The following PLD5 variants were observed in gnomAD, a reference collection of about 807,000 sequenced individuals.
The protein encoded by PLD5 is inactive phospholipase D5.
In PLD5, 36 loss-of-function variants were observed where a neutral mutation model predicts 61.1. The ratio of observed to expected loss-of-function variants is 0.59; its 90% CI spans 0.45 to 0.78. The LOEUF (loss-of-function observed/expected upper bound fraction) is 0.78. Ranked by LOEUF, PLD5 falls within the 30% of genes least tolerant of loss-of-function variation. PLD5 has a pLI of 0.00. For synonymous variants in PLD5, 243 were observed against 242.8 expected (o/e 1.00, Z -0.01); for missense variants, 515 against 644.4 (o/e 0.80, Z 2.17).
chr1:242,211,635 G>A (rs1299869884), intron 5 of PLD5, among the ~76,000 whole-genome samples: 5 of 152,136 alleles, frequency 3.3e-5, no homozygotes, highest in Non-Finnish European at 7.3e-5. Flanking sequence ...TGTCTCATCC[G>A]TCATGCAGCT....
chr1:242,426,253 A>G (rs1182412579), intron 1 of PLD5, among the ~76,000 whole-genome samples: 4 of 151,782 alleles, frequency 2.6e-5, no homozygotes, highest in Admixed American at 6.6e-5. Context: ...CAACTGATAT[A>G]ACAATGACTT....
intron 1 of PLD5, among the ~76,000 whole-genome samples, chr1:242,508,420 A>G (rs889032582): frequency 6.6e-6 from 1 of 152,160 alleles, no homozygotes; most frequent in African/African-American, 2.4e-5. Flanking sequence ...ATGACCAACT[A>G]TATCATTTCC....
intron 5 of PLD5, chr1:242,178,400 A>C (rs2148895280): frequency 6.6e-6 from 1 of 152,274 alleles, no homozygotes. Flanking sequence ...CATTGCTCTC[A>C]TCTATGGGGT....
chr1:242,523,905 C>T (rs1572290373), intron 1 of PLD5, among the ~76,000 whole-genome samples, 183 bp downstream of exon 1: 1 of 152,328 alleles, frequency 6.6e-6, no homozygotes, highest in African/African-American at 2.4e-5. Context: ...CCCCTCCCCG[C>T]AGCCCGGTCA....
intron 1 of PLD5, among the ~76,000 whole-genome samples, chr1:242,359,886 A>G (rs1251246595): frequency 2.6e-5 from 4 of 152,210 alleles, no homozygotes; most frequent in African/African-American, 9.6e-5. Context: ...TACATGCCTC[A>G]TATATTTTGG....
upstream of PLD5, among the ~76,000 whole-genome samples, chr1:242,529,022 A>AG (rs1669500198): frequency 6.6e-6 from 1 of 152,212 alleles, no homozygotes; most frequent in Non-Finnish European, 1.5e-5. Flanking sequence ...AAAATCATTG[A>AG]CCCAAGAATG....
intron 5 of PLD5, among the ~76,000 whole-genome samples, chr1:242,171,516 G>A (rs1435599555): frequency 6.6e-6 from 1 of 152,108 alleles, no homozygotes; most frequent in Non-Finnish European, 1.5e-5. Context: ...GCATCACAAT[G>A]ACAGGATCAA....
chr1:242,384,645 A>G (rs1662494733), intron 1 of PLD5, among the ~76,000 whole-genome samples: 2 of 152,298 alleles, frequency 1.3e-5, no homozygotes, highest in Admixed American at 6.5e-5. Context: ...CAAACAATCT[A>G]CGCAAACTGT....
intron 2 of PLD5, among the ~76,000 whole-genome samples, chr1:242,310,903 T>G (rs4658806): frequency 0.91 from 138,652 of 152,200 alleles, 63,143 homozygotes; most frequent in East Asian, 0.95. Context: ...CAAAATCATA[T>G]CCCAGTAATC....
chr1:242,173,281 G>A (rs895748397), intron 5 of PLD5, among the ~76,000 whole-genome samples: 1 of 152,132 alleles, frequency 6.6e-6, no homozygotes, highest in African/African-American at 2.4e-5. Flanking sequence ...GCCAAATCAT[G>A]AGTAAACTCC....
At chr1:242,132,292 G>A (rs768474273) in intron 5 of PLD5, among the ~76,000 whole-genome samples, 2 of 144,126 alleles carry the variant, frequency 1.4e-5, no homozygotes, top group Middle Eastern at 3.5e-3. Context: ...GGAAACCAGC[G>A]CGGGTGTCTG....
At chr1:242,113,820 T>C in intron 7 of PLD5, 70 bp downstream of exon 7, 8 of 1,522,426 alleles carry the variant, frequency 5.3e-6, no homozygotes, top group Non-Finnish European at 7.1e-6. Context: ...GGCTGGCTTC[T>C]CCTGTGGTGC....
At chr1:242,093,151 G>A (rs528204220) in intron 9 of PLD5, among the ~76,000 whole-genome samples, 47 of 152,246 alleles carry the variant, frequency 3.1e-4, no homozygotes, top group African/African-American at 1.1e-3. Flanking sequence ...AGAGACCCCC[G>A]TGGCCAAGGT....
At chr1:242,399,866 C>A (rs898582148) in intron 1 of PLD5, among the ~76,000 whole-genome samples, 1 of 151,616 alleles carries the variant, frequency 6.6e-6, no homozygotes, top group Non-Finnish European at 1.5e-5. Flanking sequence ...ATCTAGGCTG[C>A]GTGCTCCTTA....
chr1:242,233,671 G>A (rs891114275), intron 4 of PLD5, among the ~76,000 whole-genome samples: 74 of 152,082 alleles, frequency 4.9e-4, no homozygotes, highest in Non-Finnish European at 9.3e-4. Flanking sequence ...GTTTGGCTTT[G>A]TTCATTATCT....
chr1:242,519,600 C>T (rs927879867), intron 1 of PLD5, among the ~76,000 whole-genome samples: 2 of 152,222 alleles, frequency 1.3e-5, no homozygotes, highest in African/African-American at 4.8e-5. Flanking sequence ...CCAGCACAAG[C>T]TGGGAAGAGA....
At chr1:242,133,175 C>A (rs531643608) in intron 5 of PLD5, among the ~76,000 whole-genome samples, 19 of 152,224 alleles carry the variant, frequency 1.2e-4, no homozygotes, top group Non-Finnish European at 2.4e-4. Context: ...TTTGTGACTT[C>A]ACTTCAGCCT....
intron 5 of PLD5, among the ~76,000 whole-genome samples, chr1:242,168,057 C>T (rs77296860): frequency 0.026 from 4,024 of 152,314 alleles, 191 homozygotes; most frequent in African/African-American, 0.092. Context: ...CAAAAACAAA[C>T]ACCTAGTGAG....
chr1:242,456,367 C>T (rs555904605), intron 1 of PLD5, among the ~76,000 whole-genome samples: 5 of 152,228 alleles, frequency 3.3e-5, no homozygotes, highest in African/African-American at 9.6e-5. Flanking sequence ...AGCCACATCT[C>T]GAATGCTCAA....
Sources: allele counts gnomAD v4.1 joint callset (sites outside exome capture counted in the v4.1 genomes callset), GRCh38; gene constraint gnomAD v4.1.1; transcripts MANE v1.5; gene names NCBI Gene and HGNC (gene_info 2026-07-23, HGNC 2026-07-21).